The following SLC10A7 variants were observed in gnomAD, a reference collection of about 807,000 sequenced individuals.
The protein encoded by SLC10A7 is solute carrier family 10 member 7, also known as sodium/bile acid cotransporter 7.
In SLC10A7, 29 loss-of-function variants were observed where a neutral mutation model predicts 43.2. That is an observed-to-expected ratio of 0.67 (90% CI 0.50 to 0.92). The LOEUF (loss-of-function observed/expected upper bound fraction) is 0.92, where lower values mean the gene tolerates loss of function less well. Among genes scored for constraint, SLC10A7 ranks in the 40% least tolerant of loss-of-function variants. The probability of loss-of-function intolerance (pLI) is 0.00; values close to 1 mark genes in which losing one functional copy is unlikely to be tolerated. For missense variants in SLC10A7, 295 were observed against 403.2 expected (o/e 0.73, Z 2.30); for synonymous variants, 152 against 144.8 (o/e 1.05, Z -0.35).
chr4:146,316,593 T>C (rs1732339968), intron 6 of SLC10A7, among the ~76,000 whole-genome samples: 1 of 152,068 alleles, frequency 6.6e-6, no homozygotes, highest in African/African-American at 2.4e-5. Context: ...CTTTTGTTTA[T>C]AAGCCACCCA....
At chr4:146,442,880 C>T in intron 4 of SLC10A7, 59 bp from the exon 5 acceptor site, 1 of 1,192,554 alleles carries the variant, frequency 8.4e-7, no homozygotes, top group South Asian at 1.4e-5. Context: ...AATAATAAAG[C>T]CAAAGATTAT....
chr4:146,354,536 T>G (rs1045794896), intron 5 of SLC10A7, among the ~76,000 whole-genome samples: 19 of 148,014 alleles, frequency 1.3e-4, no homozygotes, highest in Non-Finnish European at 2.4e-4. Context: ...TGGAAAAAAC[T>G]ACTTTAAAGT....
chr4:146,412,657 A>C (rs1222799243), intron 5 of SLC10A7, among the ~76,000 whole-genome samples: 1 of 152,158 alleles, frequency 6.6e-6, no homozygotes, highest in African/African-American at 2.4e-5. Context: ...TACATTCTTT[A>C]TCTGTGTTAC....
chr4:146,485,681 A>G (rs1247988372), intron 4 of SLC10A7, among the ~76,000 whole-genome samples: 1 of 152,220 alleles, frequency 6.6e-6, no homozygotes, highest in Non-Finnish European at 1.5e-5. Context: ...TGGAAATCCA[A>G]GAGAAAGTCC....
intron 4 of SLC10A7, among the ~76,000 whole-genome samples, chr4:146,444,523 T>C (rs1042447053): frequency 2.0e-5 from 3 of 152,240 alleles, no homozygotes; most frequent in Non-Finnish European, 2.9e-5. Flanking sequence ...TAAATAACTA[T>C]ATGAGTATAT....
intron 10 of SLC10A7, among the ~76,000 whole-genome samples, chr4:146,266,602 G>C (rs1288231642): frequency 6.6e-6 from 1 of 152,166 alleles, no homozygotes; most frequent in Non-Finnish European, 1.5e-5. Context: ...TAAAACAAGG[G>C]CTTTGGAATT....
rs892328720 is a variant in SLC10A7 at position 146,438,736 on chromosome 4, C to T, written c.435+4047G>A. 3.3e-5 allele frequency among the ~76,000 whole-genome samples: 5 copies of T among 151,948 alleles called. No homozygotes were observed. The South Asian group carries it at 1.0e-3, about 31-fold the overall frequency. On this transcript the variant is annotated intron_variant, in intron 5 of 11. Coordinates refer to ENST00000335472, the MANE Select transcript of SLC10A7 (RefSeq NM_001029998.6). Reference sequence around the variant, plus strand: ...GAATTCAGCCTCCAAATCAAAAATGCTAAGTTCTAACAAATCAAATGATCT... The same window carrying T: ...GAATTCAGCCTCCAAATCAAAAATGTTAAGTTCTAACAAATCAAATGATCT...
rs190293086 is a variant in SLC10A7, at chr4:146,418,175, T to C, written c.435+24608A>G. Among the ~76,000 whole-genome samples, 405 of 152,344 alleles carry C rather than the reference T, an allele frequency of 2.7e-3. 4 individuals are homozygous for C. The highest frequency in any genetic ancestry group is 9.5e-3 in the African/African-American group (396 of 41,582). On this transcript the variant is annotated intron_variant, in intron 5 of 11. Transcript: ENST00000335472. ...GCGCTCTTCTTCCTAAGCTTCCACT[T>C]AAGGCTGAAGTAATCAACCTTATAA...
intron 5 of SLC10A7, among the ~76,000 whole-genome samples, chr4:146,394,642 C>G (rs1444084452): frequency 1.3e-5 from 2 of 152,104 alleles, no homozygotes; most frequent in South Asian, 2.1e-4. Context: ...GATTACAAAC[C>G]TGAACCACCG....
chr4:146,495,202 G>C (rs1735778564), intron 4 of SLC10A7, among the ~76,000 whole-genome samples: 1 of 152,264 alleles, frequency 6.6e-6, no homozygotes, highest in South Asian at 2.1e-4. Flanking sequence ...ATGTTTTTCA[G>C]ACATAAGATT....
intron 4 of SLC10A7, among the ~76,000 whole-genome samples, chr4:146,466,923 A>G (rs1015536758): frequency 6.6e-6 from 1 of 152,136 alleles, no homozygotes; most frequent in African/African-American, 2.4e-5. Flanking sequence ...CCTATTTTCA[A>G]TGTTAAGATT....
intron 4 of SLC10A7, among the ~76,000 whole-genome samples, chr4:146,462,822 T>C (rs1012168497): frequency 6.6e-6 from 1 of 152,134 alleles, no homozygotes; most frequent in Non-Finnish European, 1.5e-5. Context: ...TGAGGCTTTC[T>C]CCTGGTCAAA....
At chr4:146,288,390 C>T (rs2111158589) in intron 9 of SLC10A7, among the ~76,000 whole-genome samples, 1 of 152,310 alleles carries the variant, frequency 6.6e-6, no homozygotes, top group Non-Finnish European at 1.5e-5. Context: ...GCCATACAAA[C>T]AGATAGTGTT....
chr4:146,362,352 G>C, intron 5 of SLC10A7, among the ~76,000 whole-genome samples: 1 of 152,092 alleles, frequency 6.6e-6, no homozygotes, highest in Admixed American at 6.6e-5. Context: ...AAAACAGCAA[G>C]AGAAAAGAGG....
At chr4:146,258,543 AG>A (rs2110973072) in intron 11 of SLC10A7, 148 bp downstream of exon 11, 6 of 655,620 alleles carry the variant, frequency 9.2e-6, no homozygotes, top group Non-Finnish European at 1.2e-5. Flanking sequence ...GGAATGGATC[AG>A]TGCACCATTA....
At position 146,327,026 on chromosome 4, in the gene SLC10A7, C is replaced by T. The variant is rs190995840; in HGVS notation, c.436-1030G>A. On this transcript the variant is annotated intron_variant, in intron 5 of 11. Coordinates refer to ENST00000335472, the MANE Select transcript of SLC10A7 (RefSeq NM_001029998.6). Reference sequence around the variant, plus strand: ...TAGACAGAGGTACTATATATCCAGACAGTGTCCAAGATCCAGATCTGGGAC... The same window carrying T: ...TAGACAGAGGTACTATATATCCAGATAGTGTCCAAGATCCAGATCTGGGAC... Among the ~76,000 whole-genome samples, 3 of 151,838 alleles carry T rather than the reference C, an allele frequency of 2.0e-5. No individual in the cohort carries two copies. The East Asian group carries it at 5.8e-4, about 29-fold the overall frequency.
intron 10 of SLC10A7, among the ~76,000 whole-genome samples, chr4:146,260,643 G>A (rs1728165284): frequency 6.6e-6 from 1 of 152,200 alleles, no homozygotes; most frequent in African/African-American, 2.4e-5. Flanking sequence ...TGAGGAAACT[G>A]AAGCACCTAG....
chr4:146,316,422 C>T (rs1403068025), intron 6 of SLC10A7, among the ~76,000 whole-genome samples: 1 of 151,952 alleles, frequency 6.6e-6, no homozygotes, highest in Admixed American at 6.6e-5. Context: ...TGAATTAGTG[C>T]TCTTATAAAA....
chr4:146,453,912 G>A (rs1028509658), intron 4 of SLC10A7, among the ~76,000 whole-genome samples: 1 of 151,822 alleles, frequency 6.6e-6, no homozygotes, highest in African/African-American at 2.4e-5. Context: ...AGAGAGGAAG[G>A]GCAAAATCAA....
Sources: allele counts gnomAD v4.1 joint callset (sites outside exome capture counted in the v4.1 genomes callset), GRCh38; gene constraint gnomAD v4.1.1; transcripts MANE v1.5; gene names NCBI Gene and HGNC (gene_info 2026-07-23, HGNC 2026-07-21).